The following PCDHGB5 variants were observed in gnomAD, a reference collection of about 807,000 sequenced individuals.
The protein encoded by PCDHGB5 is protocadherin gamma-B5.
A neutral mutation model predicts 62.9 loss-of-function variants in PCDHGB5; 48 were observed. That is an observed-to-expected ratio of 0.76 (90% CI 0.61 to 0.97). The LOEUF (loss-of-function observed/expected upper bound fraction) is 0.97. Among genes scored for constraint, PCDHGB5 ranks in the 50% least tolerant of loss-of-function variants. The pLI is 0.00. For synonymous variants in PCDHGB5, 474 were observed against 511.2 expected, an observed-to-expected ratio of 0.93 and a Z score of 0.98; for missense variants, 1,118 against 1,198.6, an observed-to-expected ratio of 0.93 and a Z score of 0.99.
chr5:141,473,245 C>T (rs2099317733), intron 1 of PCDHGB5, among the ~76,000 whole-genome samples: 1 of 152,134 alleles, frequency 6.6e-6, no homozygotes, highest in African/African-American at 2.4e-5. Context: ...CAAGTGAATA[C>T]ATATATAGTC....
chr5:141,481,317 C>T (rs2099535550), intron 1 of PCDHGB5, among the ~76,000 whole-genome samples: 1 of 152,182 alleles, frequency 6.6e-6, no homozygotes, highest in African/African-American at 2.4e-5. Context: ...CTTCCTAAAG[C>T]ACTAGCCCCT....
intron 1 of PCDHGB5, among the ~76,000 whole-genome samples, chr5:141,460,285 T>C (rs1283830175): frequency 1.3e-5 from 2 of 152,154 alleles, no homozygotes; most frequent in Admixed American, 6.5e-5. Context: ...ATAGTTTGTA[T>C]TTCTTATGTC....
chr5:141,421,102 T>G, intron 1 of PCDHGB5: 1 of 691,404 alleles, frequency 1.4e-6, no homozygotes, highest in Non-Finnish European at 2.4e-6. Flanking sequence ...CACTGGAGAC[T>G]TAGAAGTATT....
chr5:141,487,314 A>G lies in PCDHGB5; in HGVS notation c.2398-7493A>G. ...GGCTCATTCGTGGCACTACTCTCTAAGTGTCTTCGTGGGGCAGCCTGTGGA... is the reference window on the plus strand; with the variant it reads ...GGCTCATTCGTGGCACTACTCTCTAGGTGTCTTCGTGGGGCAGCCTGTGGA... On this transcript the variant is annotated intron_variant, in intron 1 of 3. Transcript: ENST00000617380. The surrounding 1 kb of genome is among the most constrained non-coding windows in gnomAD (Gnocchi z 5.0). The G allele has an allele frequency of 6.2e-7, 1 of 1,614,002 alleles. No individual in the cohort carries two copies. Among genetic ancestry groups the G allele is most frequent in the African/African-American group, 1.3e-5 (1 of 74,994 alleles).
rs189734474 is a variant in PCDHGB5, at chr5:141,512,858, G to T, written c.*1685G>T. 1 of 152,296 alleles carries T rather than the reference G, an allele frequency of 6.6e-6. No individual in the cohort carries two copies. The highest frequency in any genetic ancestry group is 1.9e-4 in the East Asian group (1 of 5,182). 9.4% of individuals were successfully genotyped at this position (152,296 alleles called of 1,614,324 possible). ...ACTTCTCCTATAAGCGCTTCTCTTC[G>T]CATAGTCACGTAGCTCCCACCCCAC... On this transcript the variant is annotated 3_prime_UTR_variant, in exon 4 of 4. Coordinates refer to ENST00000617380, the MANE Select transcript of PCDHGB5 (RefSeq NM_018925.3).
intron 2 of PCDHGB5, among the ~76,000 whole-genome samples, chr5:141,498,411 C>T (rs747823234): frequency 2.0e-5 from 3 of 152,158 alleles, no homozygotes; most frequent in Non-Finnish European, 4.4e-5. Context: ...TTTCTCTTTG[C>T]TGGCACTGGA....
intron 1 of PCDHGB5, among the ~76,000 whole-genome samples, chr5:141,469,484 A>AGAATCGCT (rs1279677032): frequency 6.6e-6 from 1 of 152,074 alleles, no homozygotes; most frequent in African/African-American, 2.4e-5. Flanking sequence ...CTGAGGCAGG[A>AGAATCGCT]GAATCGCTTG....
At chr5:141,421,718 G>C (rs778263773) in intron 1 of PCDHGB5, 1 of 1,613,966 alleles carries the variant, frequency 6.2e-7, no homozygotes, top group Middle Eastern at 1.7e-4. Context: ...CCAGATGTGG[G>C]CGTGAACTCC....
intron 1 of PCDHGB5, chr5:141,471,553 TG>T (rs1217142933): frequency 6.6e-6 from 1 of 152,224 alleles, no homozygotes; most frequent in African/African-American, 2.4e-5. Flanking sequence ...AAGGTTGCTT[TG>T]ACTCAGGGGT....
chr5:141,409,561 C>T (rs1296401858), intron 1 of PCDHGB5: 4 of 1,613,986 alleles, frequency 2.5e-6, no homozygotes, highest in Non-Finnish European at 3.4e-6. Context: ...CAGTTTTCGA[C>T]CAGACGTCCT....
rs758172004 is a variant in PCDHGB5, at chr5:141,477,909, C to T, written c.2398-16898C>T. On this transcript the variant is annotated intron_variant, in intron 1 of 3. Transcript: ENST00000617380. This position sits in a 1 kb window ranked among gnomAD's most constrained non-coding sequence, Gnocchi z 4.9. ...GTGTCACGGGTGGTAGGCTGGGACGCGGATGCAGGGCACAATGCCTGGCTC... is the reference window on the plus strand; with the variant it reads ...GTGTCACGGGTGGTAGGCTGGGACGTGGATGCAGGGCACAATGCCTGGCTC... 2 of 1,614,166 alleles carry T rather than the reference C, an allele frequency of 1.2e-6. No individual in the cohort carries two copies. Among genetic ancestry groups the T allele is most frequent in the Admixed American group, 1.7e-5 (1 of 60,016 alleles).
intron 1 of PCDHGB5, chr5:141,419,836 G>A (rs756561978): frequency 1.9e-6 from 3 of 1,613,958 alleles, no homozygotes. Context: ...CCACTGCCAC[G>A]CTGCACCTGG....
In PCDHGB5 at chr5:141,418,027, T is replaced by C. The variant is rs536104184; in HGVS notation, c.2397+17503T>C. On this transcript the variant is annotated intron_variant, in intron 1 of 3. Coordinates refer to ENST00000617380, the MANE Select transcript of PCDHGB5 (RefSeq NM_018925.3). ...GGAACCTCGCTAAGGATCTAGGGCT[T>C]AGTGTCCTGGATGTGTCGGCTCGCG... is the stretch of plus-strand genomic sequence containing the variant. 144 of 1,613,732 alleles carry C rather than the reference T, an allele frequency of 8.9e-5. No homozygotes were observed. The East Asian group carries it at 1.2e-3, about 14-fold the overall frequency.
chr5:141,419,035 T>G, intron 1 of PCDHGB5: 1 of 1,613,954 alleles, frequency 6.2e-7, no homozygotes, highest in Non-Finnish European at 8.5e-7. Context: ...GTGTTCCATT[T>G]AAGATTCATT....
At chr5:141,419,782 C>T (rs765128711) in intron 1 of PCDHGB5, 9 of 1,614,058 alleles carry the variant, frequency 5.6e-6, no homozygotes, top group Non-Finnish European at 7.6e-6. Flanking sequence ...TCCGCCAGCG[C>T]CTGCTAGTCG....
Position 141,487,007 on chromosome 5 carries a change from G to C in PCDHGB5, c.2398-7800G>C, listed in dbSNP as rs563548715. On this transcript the variant is annotated intron_variant, in intron 1 of 3. Transcript: ENST00000617380. This position sits in a 1 kb window ranked among gnomAD's most constrained non-coding sequence, Gnocchi z 5.0. ...TGCTTGGGTTTCCTATCAGCTCCTG[G>C]AGGCCCCAGATCCCAGCCTGTTTGC... The C allele has an allele frequency of 6.2e-7, 1 of 1,614,206 alleles. No individual in the cohort carries two copies. Among genetic ancestry groups the C allele is most frequent in the Non-Finnish European group, 8.5e-7 (1 of 1,180,042 alleles).
chr5:141,484,530 A>G (rs1406516272), intron 1 of PCDHGB5, among the ~76,000 whole-genome samples: 1 of 152,200 alleles, frequency 6.6e-6, no homozygotes, highest in East Asian at 1.9e-4. Context: ...TTTTGAGTAT[A>G]TGGCAGTGGT....
chr5:141,474,022 A>G (rs929139769), intron 1 of PCDHGB5, among the ~76,000 whole-genome samples: 1 of 152,160 alleles, frequency 6.6e-6, no homozygotes, highest in African/African-American at 2.4e-5. Flanking sequence ...GTGAGCTATG[A>G]TTATTCCACT....
intron 1 of PCDHGB5, chr5:141,430,941 A>G: frequency 6.2e-7 from 1 of 1,608,258 alleles, no homozygotes; most frequent in Non-Finnish European, 8.5e-7. Context: ...GAGCTCGCGG[A>G]GCGCGGAGTC....
Sources: gnomAD v4.1 joint callset for allele counts (sites outside exome capture counted in the v4.1 genomes callset) on GRCh38, gnomAD v4.1.1 for gene constraint, Gnocchi (gnomAD v3.1) non-coding constraint, MANE v1.5 for transcripts, NCBI Gene and HGNC (gene_info 2026-07-23, HGNC 2026-07-21) for gene names.